Variants in CNTNAP2 observed in about 807,000 individuals in gnomAD.
The protein encoded by CNTNAP2 is contactin-associated protein-like 2.
A neutral mutation model predicts 155.2 loss-of-function variants in CNTNAP2; 98 were observed. The observed-to-expected ratio is 0.63, with a 90% CI of 0.54 to 0.75. CNTNAP2 has a LOEUF of 0.75. CNTNAP2 is among the 30% of genes least tolerant of loss of function. The probability of loss-of-function intolerance (pLI) is 0.00; values close to 1 mark genes in which losing one functional copy is unlikely to be tolerated. For synonymous variants in CNTNAP2, 651 were observed against 631.2 expected, an observed-to-expected ratio of 1.03 and a Z score of -0.47; for missense variants, 1,727 against 1,688.1, an observed-to-expected ratio of 1.02 and a Z score of -0.40.
At chr7:146,282,789 C>T (rs1326679542) in intron 1 of CNTNAP2, among the ~76,000 whole-genome samples, 2 of 152,140 alleles carry the variant, frequency 1.3e-5, no homozygotes, top group African/African-American at 4.8e-5. Flanking sequence ...ACACAGAATG[C>T]TCCAGTAATA....
chr7:147,231,164 T>A (rs1803672910), intron 8 of CNTNAP2, among the ~76,000 whole-genome samples: 1 of 152,238 alleles, frequency 6.6e-6, no homozygotes, highest in Non-Finnish European at 1.5e-5. Flanking sequence ...GTCTTCACGA[T>A]CCAACTACAA....
chr7:146,216,765 C>T (rs1799121141), intron 1 of CNTNAP2, among the ~76,000 whole-genome samples: 1 of 152,204 alleles, frequency 6.6e-6, no homozygotes, highest in Non-Finnish European at 1.5e-5. Context: ...CAGTGACTGT[C>T]ATTCCATAAA....
chr7:147,678,095 A>C (rs986382285), intron 13 of CNTNAP2, among the ~76,000 whole-genome samples: 1 of 151,868 alleles, frequency 6.6e-6, no homozygotes, highest in Non-Finnish European at 1.5e-5. Context: ...TTGATAACCA[A>C]TCATAGTTTT....
intron 4 of CNTNAP2, among the ~76,000 whole-genome samples, chr7:147,088,932 A>G (rs747541108): frequency 6.6e-6 from 1 of 152,086 alleles, no homozygotes; most frequent in Non-Finnish European, 1.5e-5. Flanking sequence ...TGACAGAGCA[A>G]GATGCTGTCT....
chr7:146,444,111 C>G (rs1796366842), intron 1 of CNTNAP2, among the ~76,000 whole-genome samples: 1 of 152,164 alleles, frequency 6.6e-6, no homozygotes, highest in African/African-American at 2.4e-5. Context: ...CGGCTCCCTG[C>G]AACCTCCGCC....
chr7:146,442,936 G>T (rs972241069), intron 1 of CNTNAP2, among the ~76,000 whole-genome samples: 1 of 152,094 alleles, frequency 6.6e-6, no homozygotes, highest in South Asian at 2.1e-4. Flanking sequence ...GCCGGGCGCG[G>T]TGGCTGACGC....
chr7:148,280,737 G>A (rs1431216038), intron 21 of CNTNAP2, among the ~76,000 whole-genome samples: 1 of 151,876 alleles, frequency 6.6e-6, no homozygotes, highest in Middle Eastern at 3.2e-3. Context: ...TAGTCAACAC[G>A]GCAAAACCCC....
chr7:147,059,881 A>T (rs1483736090), intron 4 of CNTNAP2, among the ~76,000 whole-genome samples: 1 of 152,146 alleles, frequency 6.6e-6, no homozygotes, highest in Non-Finnish European at 1.5e-5. Context: ...AGAGCATAAC[A>T]GATTCATAGA....
intron 3 of CNTNAP2, among the ~76,000 whole-genome samples, chr7:147,039,642 C>G (rs994684043): frequency 4.6e-5 from 7 of 152,156 alleles, no homozygotes; most frequent in Non-Finnish European, 8.8e-5. Context: ...CATTTGCATG[C>G]ATGTGTCTTT....
rs10683190 is a variant in CNTNAP2 at position 147,448,484 on chromosome 7, G to GTATATATATATATATATA, written c.1671-37447_1671-37430dup. On this transcript the variant is annotated intron_variant, in intron 10 of 23. Transcript: ENST00000361727. ...AAACAAACCAAATATGTGTGTGTGT[G>GTATATATATATATATATA]TATATATATATATATATATATGCAC... Among the ~76,000 whole-genome samples the GTATATATATATATATATA allele has an allele frequency of 2.2e-3, 309 of 143,386 alleles. 2 individuals carry two copies. The highest frequency in any genetic ancestry group is 7.8e-3 in the African/African-American group (300 of 38,620). The allele number at this position is 143,386 out of a possible 152,430, so 94.1% of individuals were successfully genotyped here.
intron 15 of CNTNAP2, among the ~76,000 whole-genome samples, chr7:148,084,500 T>C (rs1402962702): frequency 6.6e-6 from 1 of 152,238 alleles, no homozygotes; most frequent in African/African-American, 2.4e-5. Flanking sequence ...TATAATTCTT[T>C]GCTGAAAATT....
intron 20 of CNTNAP2, among the ~76,000 whole-genome samples, chr7:148,248,726 T>C (rs932215719): frequency 6.6e-6 from 1 of 152,242 alleles, no homozygotes; most frequent in Admixed American, 6.5e-5. Context: ...TACACATGTA[T>C]AGAGCAGACT....
intron 13 of CNTNAP2, among the ~76,000 whole-genome samples, chr7:147,802,235 G>A (rs1798010090): frequency 2.0e-5 from 3 of 149,674 alleles, no homozygotes; most frequent in South Asian, 2.1e-4. Flanking sequence ...GGGAAGAGAC[G>A]CTCCTCACTT....
intron 4 of CNTNAP2, among the ~76,000 whole-genome samples, chr7:147,095,016 A>AT (rs570018835): frequency 1.7e-4 from 25 of 150,168 alleles, no homozygotes; most frequent in Non-Finnish European, 3.1e-4. Context: ...GGGCAACTTT[A>AT]TTTTTTTTGT....
chr7:147,817,324 A>G (rs1798281533), intron 13 of CNTNAP2, among the ~76,000 whole-genome samples: 1 of 152,264 alleles, frequency 6.6e-6, no homozygotes. Context: ...AGTATGCACT[A>G]GACATGATTC....
intron 1 of CNTNAP2, among the ~76,000 whole-genome samples, chr7:146,535,464 G>T (rs1445667519): frequency 8.3e-6 from 1 of 120,208 alleles, no homozygotes; most frequent in Non-Finnish European, 1.6e-5. Context: ...TTCACGACAG[G>T]CATGACACTC....
intron 21 of CNTNAP2, among the ~76,000 whole-genome samples, chr7:148,269,369 T>G (rs1404060497): frequency 6.6e-6 from 1 of 152,238 alleles, no homozygotes; most frequent in Non-Finnish European, 1.5e-5. Flanking sequence ...TGTCCTTATC[T>G]GAATTTTCTC....
At chr7:147,804,062 G>T (rs1798049043) in intron 13 of CNTNAP2, among the ~76,000 whole-genome samples, 1 of 152,146 alleles carries the variant, frequency 6.6e-6, no homozygotes, top group Admixed American at 6.5e-5. Flanking sequence ...ACCCTTCTGA[G>T]TTTTTCAATT....
chr7:148,286,795 A>G (rs979941616), intron 21 of CNTNAP2, among the ~76,000 whole-genome samples: 1 of 152,180 alleles, frequency 6.6e-6, no homozygotes, highest in African/African-American at 2.4e-5. Context: ...TGTAATTTAG[A>G]GCATTTTTAG....
Sources: allele counts gnomAD v4.1 joint callset (sites outside exome capture counted in the v4.1 genomes callset), GRCh38; gene constraint gnomAD v4.1.1; transcripts MANE v1.5; gene names NCBI Gene and HGNC (gene_info 2026-07-23, HGNC 2026-07-21).